PKP1: variants seen among roughly 807,000 people sequenced by gnomAD.
The protein encoded by PKP1 is plakophilin 1, also known as plakophilin-1.
In PKP1, 27 loss-of-function variants were observed where a neutral mutation model predicts 76.4. The observed-to-expected ratio is 0.35, with a 90% CI of 0.26 to 0.49. The LOEUF is 0.49. Ranked by LOEUF, PKP1 falls within the 20% of genes least tolerant of loss-of-function variation. The pLI is 0.99. For missense variants in PKP1, 964 were observed against 955.2 expected (o/e 1.01, Z -0.12); for synonymous variants, 404 against 384.2 (o/e 1.05, Z -0.60).
intron 1 of PKP1, among the ~76,000 whole-genome samples, chr1:201,292,067 G>A (rs1425720517): frequency 1.3e-5 from 2 of 152,214 alleles, no homozygotes; most frequent in African/African-American, 4.8e-5. Flanking sequence ...ATAGGCGGAT[G>A]GCCCTTCTGG....
intron 1 of PKP1, among the ~76,000 whole-genome samples, chr1:201,290,723 A>C (rs577397752): frequency 6.6e-6 from 1 of 152,366 alleles, no homozygotes; most frequent in Admixed American, 6.5e-5. Context: ...AGTCAGGCCC[A>C]GACCCAGCTG....
intron 1 of PKP1, 78 bp downstream of exon 1, chr1:201,283,982 A>G: frequency 1.5e-6 from 2 of 1,329,024 alleles, no homozygotes; most frequent in Non-Finnish European, 1.1e-6. Context: ...CAAGAGACGC[A>G]CGCATCCCCG....
At chr1:201,317,835 A>G in intron 5 of PKP1, 56 bp downstream of exon 5, 4 of 1,513,656 alleles carry the variant, frequency 2.6e-6, no homozygotes, top group South Asian at 2.3e-5. Context: ...GCCACTGGCT[A>G]TGGCCCCAGG....
intron 2 of PKP1, among the ~76,000 whole-genome samples, chr1:201,295,851 C>G (rs550083019): frequency 2.0e-5 from 3 of 151,300 alleles, no homozygotes; most frequent in Non-Finnish European, 4.4e-5. Flanking sequence ...TAACCAAGAA[C>G]TGTAAAGGAA....
At chr1:201,327,212 G>C (rs533070477) in intron 12 of PKP1, among the ~76,000 whole-genome samples, 119 of 152,312 alleles carry the variant, frequency 7.8e-4, no homozygotes, top group Middle Eastern at 6.8e-3. Context: ...AGACAGAGGA[G>C]ACTCAAGCAT....
chr1:201,285,449 G>A (rs570868957), intron 1 of PKP1, among the ~76,000 whole-genome samples: 9 of 152,190 alleles, frequency 5.9e-5, no homozygotes, highest in Non-Finnish European at 1.3e-4. Flanking sequence ...GGCTCCTCTC[G>A]TCACATTTCC....
chr1:201,324,754 G>A (rs1038105850), intron 10 of PKP1, among the ~76,000 whole-genome samples, 173 bp downstream of exon 10: 1 of 152,166 alleles, frequency 6.6e-6, no homozygotes, highest in African/African-American at 2.4e-5. Flanking sequence ...CCTGAGGGCT[G>A]GGAGCAGATC....
chr1:201,297,700 G>A (rs1047581676), intron 2 of PKP1, among the ~76,000 whole-genome samples: 1 of 152,044 alleles, frequency 6.6e-6, no homozygotes. Context: ...ATATTTGAAC[G>A]TTACAACTAA....
intron 2 of PKP1, among the ~76,000 whole-genome samples, chr1:201,299,670 T>G (rs919710430): frequency 2.0e-5 from 3 of 152,218 alleles, no homozygotes; most frequent in African/African-American, 7.2e-5. Context: ...TCCTCTTTGC[T>G]TTCATCTGAG....
At chr1:201,289,960 G>A (rs1655867111) in intron 1 of PKP1, among the ~76,000 whole-genome samples, 1 of 152,314 alleles carries the variant, frequency 6.6e-6, no homozygotes, top group South Asian at 2.1e-4. Flanking sequence ...GGAGGTGGAA[G>A]AGGATGAGTC....
rs535434793 is a variant in PKP1, at chr1:201,316,814, C to T, written c.846+117C>T. 4.4e-5 allele frequency: 50 copies of T among 1,134,888 alleles called. 1 individual carries two copies. The highest frequency in any genetic ancestry group is 5.6e-5 in the Non-Finnish European group (43 of 767,512). The allele number at this position is 1,134,888 out of a possible 1,614,324, so 70.3% of individuals were successfully genotyped here. On this transcript the variant is annotated intron_variant, in intron 4 of 13. Coordinates refer to ENST00000367324, the MANE Select transcript of PKP1 (RefSeq NM_001005337.3). ...TGCAGTTGGCTTCTCTTGCCTTGCC[C>T]AGCTGCCAGGAGCCTTCGCATTGCC...
At chr1:201,326,765 C>A (rs948400405) in intron 12 of PKP1, among the ~76,000 whole-genome samples, 3 of 152,144 alleles carry the variant, frequency 2.0e-5, no homozygotes, top group Non-Finnish European at 4.4e-5. Flanking sequence ...GCAGGCGAAG[C>A]CATGAGAACA....
intron 2 of PKP1, among the ~76,000 whole-genome samples, chr1:201,305,577 A>C (rs928252068): frequency 6.6e-6 from 1 of 152,066 alleles, no homozygotes; most frequent in Non-Finnish European, 1.5e-5. Flanking sequence ...GTCTCCAGGG[A>C]CCTCTTTTCT....
chr1:201,325,748 G>A lies in PKP1; in HGVS notation c.2022-6G>A, dbSNP rs1657101058. 1 of 1,611,592 alleles carries A rather than the reference G, an allele frequency of 6.2e-7. No individual in the cohort carries two copies. The highest frequency in any genetic ancestry group is 8.5e-7 in the Non-Finnish European group (1 of 1,177,888). ...CATCTCACAAATGCACTTCTCACCT[G>A]CCCAGTGCCTCACCCAAGGCCGCAG... On this transcript the variant is annotated splice_region_variant and splice_polypyrimidine_tract_variant and intron_variant, in intron 11 of 13. Coordinates refer to ENST00000367324, the MANE Select transcript of PKP1 (RefSeq NM_001005337.3).
intron 6 of PKP1, 63 bp downstream of exon 6, chr1:201,318,858 C>A: frequency 7.3e-7 from 1 of 1,365,554 alleles, no homozygotes; most frequent in Non-Finnish European, 1.0e-6. Flanking sequence ...CAGGCAGCCC[C>A]ATCTCAGCCA....
At chr1:201,316,444 A>G in intron 3 of PKP1, 109 bp from the exon 4 acceptor site, 1 of 1,201,886 alleles carries the variant, frequency 8.3e-7, no homozygotes, top group Non-Finnish European at 1.2e-6. Context: ...CTGGCTCTCC[A>G]GAGGGCAGAT....
At position 201,330,252 on chromosome 1, in the gene PKP1, G is replaced by T; in HGVS notation, c.*211G>T. ...AAACTGGCAGGCAATGGGGGTTAGG[G>T]AGGTTGGGGCGGTGGGGGCTTTCTT... On this transcript the variant is annotated 3_prime_UTR_variant, in exon 14 of 14. Coordinates refer to ENST00000367324, the MANE Select transcript of PKP1 (RefSeq NM_001005337.3). 1 of 151,492 alleles carries T rather than the reference G, an allele frequency of 6.6e-6. No homozygotes were observed. Among genetic ancestry groups the T allele is most frequent in the African/African-American group, 2.4e-5 (1 of 41,298 alleles). The allele number at this position is 151,492 out of a possible 1,614,324, so 9.4% of individuals were successfully genotyped here.
chr1:201,288,716 C>A (rs999372234), intron 1 of PKP1, among the ~76,000 whole-genome samples: 4 of 152,134 alleles, frequency 2.6e-5, no homozygotes, highest in Non-Finnish European at 5.9e-5. Flanking sequence ...ACCCGTCAAC[C>A]CTTGCCCACT....
At chr1:201,299,703 G>A (rs961399263) in intron 2 of PKP1, among the ~76,000 whole-genome samples, 18 of 152,230 alleles carry the variant, frequency 1.2e-4, no homozygotes, top group African/African-American at 4.1e-4. Flanking sequence ...CAGGAAAACA[G>A]CAGTTAGTTA....
Sources: allele counts gnomAD v4.1 joint callset (sites outside exome capture counted in the v4.1 genomes callset), GRCh38; gene constraint gnomAD v4.1.1; transcripts MANE v1.5; gene names NCBI Gene and HGNC (gene_info 2026-07-23, HGNC 2026-07-21).